Variants in FSTL5 observed in about 807,000 individuals in gnomAD.
The protein encoded by FSTL5 is follistatin like 5.
Under a neutral mutation model 89.1 loss-of-function variants are expected in FSTL5, and 62 were observed. The observed-to-expected ratio is 0.70, with a 90% confidence interval of 0.57 to 0.86. FSTL5 has a LOEUF of 0.86. Among genes scored for constraint, FSTL5 ranks in the 40% least tolerant of loss-of-function variants. The probability of loss-of-function intolerance (pLI) is 0.00; values close to 1 mark genes in which losing one functional copy is unlikely to be tolerated. For missense variants in FSTL5, 1,057 were observed against 1,001.6 expected (o/e 1.06, Z -0.75); for synonymous variants, 383 against 346.2 (o/e 1.11, Z -1.18).
At chr4:161,639,894 C>T (rs575173889) in intron 7 of FSTL5, among the ~76,000 whole-genome samples, 2 of 152,260 alleles carry the variant, frequency 1.3e-5, no homozygotes, top group African/African-American at 4.8e-5. Flanking sequence ...TTGCAAGCTC[C>T]CCCTTCCTCA....
rs78198058 is a variant in FSTL5, at chr4:161,538,059, T to C, written c.1312+107A>G. ...TACGTATAAAATCTATTTGTTATAA[T>C]GCATTGTGCAATTCACAGTTTTCTG... On this transcript the variant is annotated intron_variant, in intron 10 of 15. Transcript: ENST00000306100. 47 of 926,968 alleles carry C rather than the reference T, an allele frequency of 5.1e-5. No individual in the cohort carries two copies. In the East Asian group the frequency reaches 9.5e-4, roughly 19 times the overall value. 57.4% of individuals were successfully genotyped at this position (926,968 alleles called of 1,614,324 possible).
chr4:161,638,209 T>G (rs943175468), intron 7 of FSTL5, among the ~76,000 whole-genome samples: 1 of 151,704 alleles, frequency 6.6e-6, no homozygotes, highest in Non-Finnish European at 1.5e-5. Flanking sequence ...CCTAGGTATT[T>G]TATTCTCTTT....
rs576515553 is a variant in FSTL5 at position 162,038,352 on chromosome 4, G to GAT, written c.127-4695_127-4694insAT. Among the ~76,000 whole-genome samples the GAT allele has an allele frequency of 2.2e-3, 329 of 152,022 alleles. 3 individuals carry two copies. The highest frequency in any genetic ancestry group is 7.5e-3 in the African/African-American group (313 of 41,548). ...TGTAAGATGGCTAAAAGCTTTAGCAGACAGTATGATAAAGATTAGCAAAGA... is the reference window on the plus strand; with the variant it reads ...TGTAAGATGGCTAAAAGCTTTAGCAGATACAGTATGATAAAGATTAGCAAAGA... On this transcript the variant is annotated intron_variant, in intron 2 of 15. Transcript: ENST00000306100.
intron 7 of FSTL5, among the ~76,000 whole-genome samples, chr4:161,634,689 G>T (rs1735626586): frequency 6.6e-6 from 1 of 152,124 alleles, no homozygotes; most frequent in Non-Finnish European, 1.5e-5. Context: ...ATGTAAAAAA[G>T]CTGAACCAAT....
chr4:161,587,693 T>C (rs1279397323), intron 7 of FSTL5, 118 bp from the exon 8 acceptor site: 1 of 676,426 alleles, frequency 1.5e-6, no homozygotes, highest in African/African-American at 1.8e-5. Context: ...TTTAAAATTA[T>C]CAAAATGAGC....
At chr4:161,387,657 T>C (rs935749613) in intron 15 of FSTL5, 1 of 152,000 alleles carries the variant, frequency 6.6e-6, no homozygotes, top group Non-Finnish European at 1.5e-5. Flanking sequence ...AATAAACATA[T>C]ATTAAATATC....
chr4:162,141,106 C>A, intron 1 of FSTL5, among the ~76,000 whole-genome samples: 1 of 44,008 alleles, frequency 2.3e-5, no homozygotes, highest in East Asian at 7.8e-4. Flanking sequence ...TCCCTTCTCT[C>A]TTTTTTTTTT....
chr4:161,861,659 C>G (rs1360819140), intron 4 of FSTL5, among the ~76,000 whole-genome samples: 2 of 152,084 alleles, frequency 1.3e-5, no homozygotes, highest in Non-Finnish European at 2.9e-5. Flanking sequence ...GAGGCTGACT[C>G]CCTTTTAGAC....
intron 9 of FSTL5, among the ~76,000 whole-genome samples, chr4:161,540,016 T>C (rs1207576218): frequency 6.6e-6 from 1 of 152,036 alleles, no homozygotes; most frequent in Non-Finnish European, 1.5e-5. Context: ...CCAATATTTT[T>C]ACATGTTCTC....
intron 15 of FSTL5, among the ~76,000 whole-genome samples, chr4:161,448,472 G>C (rs1182389473): frequency 6.6e-6 from 1 of 151,960 alleles, no homozygotes; most frequent in Non-Finnish European, 1.5e-5. Flanking sequence ...TTGCTTTAAC[G>C]GATTTGATAA....
Position 161,429,861 on chromosome 4 carries a change from C to T in FSTL5, c.1841+25143G>A, listed in dbSNP as rs140826232. 2.1e-3 allele frequency among the ~76,000 whole-genome samples: 320 copies of T among 152,026 alleles called. 1 individual carries two copies. The highest frequency in any genetic ancestry group is 3.3e-3 in the Non-Finnish European group (224 of 67,978). ...AACATTGGCAAGCATCAATACCACA[C>T]GGGAAAAAAATGTTTTAATCCAACA... is the stretch of plus-strand genomic sequence containing the variant. On this transcript the variant is annotated intron_variant, in intron 15 of 15. Transcript: ENST00000306100.
chr4:161,450,409 A>G (rs148977851), intron 15 of FSTL5, among the ~76,000 whole-genome samples: 43 of 152,352 alleles, frequency 2.8e-4, no homozygotes, highest in Admixed American at 7.2e-4. Context: ...ATGCTTTATG[A>G]GAATTACTTG....
chr4:161,520,795 ACAAT>A (rs1481518276), intron 10 of FSTL5, among the ~76,000 whole-genome samples: 2 of 152,212 alleles, frequency 1.3e-5, no homozygotes, highest in South Asian at 2.1e-4. Context: ...TCTTTCATAA[ACAAT>A]CAAACTTTAA....
intron 4 of FSTL5, among the ~76,000 whole-genome samples, chr4:161,835,849 G>C (rs1731021247): frequency 6.6e-6 from 1 of 150,492 alleles, no homozygotes; most frequent in Non-Finnish European, 1.5e-5. Context: ...CTTTTACACT[G>C]TTGGTGGGAC....
intron 3 of FSTL5, among the ~76,000 whole-genome samples, chr4:162,006,135 T>C (rs1736609992): frequency 6.6e-6 from 1 of 151,942 alleles, no homozygotes; most frequent in Admixed American, 6.6e-5. Flanking sequence ...ATACAAAAGA[T>C]AATGAGATGC....
chr4:161,628,628 T>C (rs766013615), intron 7 of FSTL5, among the ~76,000 whole-genome samples: 8 of 152,344 alleles, frequency 5.3e-5, no homozygotes, highest in Middle Eastern at 3.4e-3. Context: ...GTTAGCCCGT[T>C]AAGTGTAACA....
intron 6 of FSTL5, among the ~76,000 whole-genome samples, chr4:161,749,558 G>C (rs894572667): frequency 3.9e-5 from 6 of 152,176 alleles, no homozygotes; most frequent in Non-Finnish European, 7.3e-5. Flanking sequence ...AGCACTTCGG[G>C]AGGCTGAGGC....
chr4:161,487,510 A>G (rs886285562), intron 12 of FSTL5, among the ~76,000 whole-genome samples: 1 of 152,126 alleles, frequency 6.6e-6, no homozygotes, highest in Non-Finnish European at 1.5e-5. Flanking sequence ...TATCTACTTT[A>G]ACAGTATTTA....
chr4:161,707,495 G>T (rs774004002), intron 6 of FSTL5, among the ~76,000 whole-genome samples: 5 of 151,778 alleles, frequency 3.3e-5, no homozygotes, highest in Non-Finnish European at 7.4e-5. Flanking sequence ...CATAAAATTT[G>T]TTACGGCATA....
Sources: allele counts gnomAD v4.1 joint callset (sites outside exome capture counted in the v4.1 genomes callset), GRCh38; gene constraint gnomAD v4.1.1; transcripts MANE v1.5; gene names NCBI Gene and HGNC (gene_info 2026-07-23, HGNC 2026-07-21).